Variants in GALNT14 observed in about 807,000 individuals in gnomAD.
GALNT14 encodes the protein UDP-GalNAc:polypeptide N-acetylgalactosaminyltransferase 14.
GALNT14 carries 60 observed loss-of-function variants against 77.5 expected under a neutral mutation model. The observed-to-expected ratio is 0.77, with a 90% CI of 0.63 to 0.96. GALNT14 has a LOEUF of 0.96. Among genes scored for constraint, GALNT14 ranks in the 40% least tolerant of loss-of-function variants. GALNT14 has a pLI of 0.00. For missense variants in GALNT14, 710 were observed against 731.0 expected (o/e 0.97, Z 0.33); for synonymous variants, 280 against 281.7 (o/e 0.99, Z 0.06).
intron 1 of GALNT14, among the ~76,000 whole-genome samples, chr2:30,993,552 C>A (rs1669842757): frequency 6.6e-6 from 1 of 152,232 alleles, no homozygotes; most frequent in East Asian, 1.9e-4. Flanking sequence ...GGAGTTCCGT[C>A]TACAGTGGTG....
At chr2:31,025,831 T>C (rs1189164271) in intron 1 of GALNT14, among the ~76,000 whole-genome samples, 1 of 151,848 alleles carries the variant, frequency 6.6e-6, no homozygotes, top group Non-Finnish European at 1.5e-5. Flanking sequence ...CCAACCAGAG[T>C]TGAGTGCAAA....
rs563066800 is a variant in GALNT14 at position 31,083,490 on chromosome 2, G to C, written c.129+54468C>G. Among the ~76,000 whole-genome samples the C allele has an allele frequency of 8.2e-4, 125 of 152,350 alleles. 4 individuals are homozygous for C. The South Asian group carries it at 0.022, about 26-fold the overall frequency. ...AGAAAACAGAACAAGGAGGGAAGAGGAGGAGGGTGAGGAAGCAGGATCTGG... is the reference window on the plus strand; with the variant it reads ...AGAAAACAGAACAAGGAGGGAAGAGCAGGAGGGTGAGGAAGCAGGATCTGG... On this transcript the variant is annotated intron_variant, in intron 1 of 14. Transcript: ENST00000349752.
In GALNT14 at chr2:30,929,457, C is replaced by T. The variant is rs1458552376; in HGVS notation, c.1089G>A (p.Met363Ile). 1 of 1,614,040 alleles carries T rather than the reference C, an allele frequency of 6.2e-7. No homozygotes were observed. The highest frequency in any genetic ancestry group is 1.3e-5 in the African/African-American group (1 of 74,936). The change falls in exon 11 of 15, where the codon ATG (methionine) becomes ATA (isoleucine). Residue 363 changes from methionine (M) to isoleucine (I), a missense_variant. Transcript: ENST00000349752. ...CGTAATAGTATTGCTTGTATTCATC[C>T]ATCCACACTTCAGCTGTCCGCTTGG... ...KNTKRTAEVW[M>I]DEYKQYYYAA...
Position 30,965,763 on chromosome 2 carries a change from C to T in GALNT14, c.398+441G>A, listed in dbSNP as rs141188527. 4.9e-3 allele frequency among the ~76,000 whole-genome samples: 752 copies of T among 151,934 alleles called. 16 individuals carry two copies. The highest frequency in any genetic ancestry group is 0.044 in the South Asian group (213 of 4,794). ...CTGCAGGCCGTTCTGATTTGCATGG[C>T]CCCTGGCAAGTGTGTGGGAGGGCAG... On this transcript the variant is annotated intron_variant, in intron 3 of 14. Transcript: ENST00000349752.
rs150977129 is a variant in GALNT14, at chr2:30,955,678, G to A, written c.594C>T (p.Leu198=). The A allele has an allele frequency of 7.8e-4, 1,257 of 1,614,178 alleles. 9 individuals carry two copies. In the African/African-American group the frequency reaches 0.014, roughly 18 times the overall value. ...DIAQGTTLTF[L]DSHCEVNRDW... is the part of the protein sequence containing the mutation. ...CCCTGTTCACCTCACAGTGGCTGTC[G>A]AGGAAAGTCAGAGTGGTGCCCTGGG... is the stretch of plus-strand genomic sequence containing the variant. The change falls in exon 6 of 15, where the codon CTC becomes CTT. Residue 198 remains leucine, a synonymous_variant. Transcript: ENST00000349752.
At chr2:30,996,571 A>G (rs973526053) in intron 1 of GALNT14, among the ~76,000 whole-genome samples, 2 of 152,200 alleles carry the variant, frequency 1.3e-5, no homozygotes, top group African/African-American at 2.4e-5. Flanking sequence ...TCTACTCTCT[A>G]TTCACACCAG....
Position 30,911,040 on chromosome 2 carries a change from G to T in GALNT14, c.1520C>A (p.Ser507Tyr), listed in dbSNP as rs781693188. ...DDRQQWTKTG[S>Y]HIEHIASHLC... ...GTGGGATGCTATGTGCTCGATGTGG[G>T]AACCAGTTTTGGTCCATTGCTGGTA... Residue 507 changes from serine (S) to tyrosine (Y), a missense_variant, in exon 15 of 15, where the codon TCC (serine) becomes TAC (tyrosine). Physicochemically the swap from Ser to Tyr is moderately radical, Grantham distance 144. Coordinates refer to ENST00000349752, the MANE Select transcript of GALNT14 (RefSeq NM_024572.4). 4.3e-6 allele frequency: 7 copies of T among 1,613,944 alleles called. No individual in the cohort carries two copies. Among genetic ancestry groups the T allele is most frequent in the South Asian group, 3.3e-5 (3 of 91,062 alleles).
intron 11 of GALNT14, among the ~76,000 whole-genome samples, chr2:30,928,013 G>C (rs1665493356): frequency 6.6e-6 from 1 of 152,148 alleles, no homozygotes; most frequent in African/African-American, 2.4e-5. Flanking sequence ...AAGACCTTTT[G>C]AGCTCAGTTT....
chr2:30,922,497 C>A (rs572941433), intron 13 of GALNT14, among the ~76,000 whole-genome samples: 1 of 152,240 alleles, frequency 6.6e-6, no homozygotes, highest in Admixed American at 6.5e-5. Context: ...ACTCTCCAAC[C>A]CTACTCTCCC....
rs115589031 is a variant in GALNT14 at position 31,027,068 on chromosome 2, G to A, written c.130-34061C>T. On this transcript the variant is annotated intron_variant, in intron 1 of 14. Coordinates refer to ENST00000349752, the MANE Select transcript of GALNT14 (RefSeq NM_024572.4). ...ATAATCTATATTAAAACAAACAAAC[G>A]CTGGTCCATCTGGCACTGTATCCAG... 9.5e-3 allele frequency among the ~76,000 whole-genome samples: 1,444 copies of A among 152,256 alleles called. 18 individuals carry two copies. Among genetic ancestry groups the A allele is most frequent in the African/African-American group, 0.031 (1,298 of 41,554 alleles).
At chr2:30,900,320 G>A in the GALNT14 span, among the ~76,000 whole-genome samples, 2 of 152,086 alleles carry the variant, frequency 1.3e-5, no homozygotes, top group South Asian at 2.1e-4. Context: ...AGCATTTTCA[G>A]TATTAAACTC....
chr2:30,891,062 A>C, the GALNT14 span, among the ~76,000 whole-genome samples: 1 of 152,332 alleles, frequency 6.6e-6, no homozygotes, highest in African/African-American at 2.4e-5. Context: ...TAGCTAGGGC[A>C]GTGGATCAGC....
At chr2:30,950,922 G>A (rs1666987362) in intron 6 of GALNT14, among the ~76,000 whole-genome samples, 1 of 152,240 alleles carries the variant, frequency 6.6e-6, no homozygotes. Context: ...GGACCACTGG[G>A]ATGGAAAGGG....
At chr2:31,052,389 T>C (rs1325852537) in intron 1 of GALNT14, among the ~76,000 whole-genome samples, 3 of 152,058 alleles carry the variant, frequency 2.0e-5, no homozygotes, top group Non-Finnish European at 4.4e-5. Context: ...ATCCTAGGGG[T>C]CACTAGGGCA....
intron 1 of GALNT14, among the ~76,000 whole-genome samples, chr2:31,112,712 T>C (rs1186595191): frequency 6.6e-6 from 1 of 152,224 alleles, no homozygotes; most frequent in Non-Finnish European, 1.5e-5. Context: ...CCACTATCAT[T>C]GTCATGGGCC....
chr2:31,096,449 G>A (rs1270006449), intron 1 of GALNT14, among the ~76,000 whole-genome samples: 1 of 152,084 alleles, frequency 6.6e-6, no homozygotes, highest in Non-Finnish European at 1.5e-5. Context: ...TGAAGTTGAG[G>A]GCTTTAATCT....
intron 1 of GALNT14, among the ~76,000 whole-genome samples, chr2:31,051,428 A>G (rs576439244): frequency 4.6e-5 from 7 of 152,328 alleles, no homozygotes; most frequent in African/African-American, 1.4e-4. Context: ...GGTTTCCCAA[A>G]GAAGGAAAAT....
the GALNT14 span, among the ~76,000 whole-genome samples, chr2:30,894,064 G>A: frequency 2.0e-5 from 3 of 152,180 alleles, no homozygotes; most frequent in Non-Finnish European, 4.4e-5. Context: ...AAAGGAAAGA[G>A]AAGAGGGGCC....
At chr2:31,099,673 A>AT in intron 1 of GALNT14, among the ~76,000 whole-genome samples, 1 of 152,192 alleles carries the variant, frequency 6.6e-6, no homozygotes, top group South Asian at 2.1e-4. Context: ...ATGATTTAAG[A>AT]TGCTACCTTT....
Sources: allele counts gnomAD v4.1 joint callset (sites outside exome capture counted in the v4.1 genomes callset), GRCh38; gene constraint gnomAD v4.1.1; transcripts MANE v1.5; gene names NCBI Gene and HGNC (gene_info 2026-07-23, HGNC 2026-07-21).